Variants in DACH2 observed in about 807,000 individuals in gnomAD.
DACH2 encodes dachshund family transcription factor 2.
DACH2 carries 17 observed loss-of-function variants against 35.8 expected under a neutral mutation model. The observed-to-expected ratio is 0.48, with a 90% CI of 0.33 to 0.71. The LOEUF is 0.71. Among genes scored for constraint, DACH2 ranks in the 30% least tolerant of loss-of-function variants. DACH2 has a pLI of 0.02. For synonymous variants in DACH2, 195 were observed against 177.3 expected, an observed-to-expected ratio of 1.10 and a Z score of -0.79; for missense variants, 469 against 472.7, an observed-to-expected ratio of 0.99 and a Z score of 0.07.
chrX:86,712,868 A>G (rs1185004261), intron 5 of DACH2, among the ~76,000 whole-genome samples: 2 of 111,482 alleles, frequency 1.8e-5, no homozygotes, highest in African/African-American at 3.3e-5. Flanking sequence ...GGAGTCAGAT[A>G]GGGAGTACAG....
intron 3 of DACH2, among the ~76,000 whole-genome samples, chrX:86,601,759 G>A (rs1187239014): frequency 8.9e-6 from 1 of 112,174 alleles, no homozygotes; most frequent in African/African-American, 3.2e-5. Flanking sequence ...GTCTAGAGAG[G>A]TAAAGTAACT....
intron 1 of DACH2, among the ~76,000 whole-genome samples, chrX:86,311,358 C>T (rs1487169064): frequency 1.8e-5 from 2 of 111,929 alleles, no homozygotes; most frequent in Non-Finnish European, 3.8e-5. Context: ...ATTCACTGGT[C>T]TTACCATGTT....
intron 7 of DACH2, among the ~76,000 whole-genome samples, chrX:86,775,023 G>T (rs1170637486): frequency 9.0e-6 from 1 of 111,180 alleles, no homozygotes; most frequent in Non-Finnish European, 1.9e-5. Flanking sequence ...TTAAAGACAG[G>T]GCCCTCACTA....
At chrX:86,593,098 G>A (rs2039668041) in intron 3 of DACH2, among the ~76,000 whole-genome samples, 1 of 110,955 alleles carries the variant, frequency 9.0e-6, no homozygotes, top group Non-Finnish European at 1.9e-5. Flanking sequence ...CTTGACCTTA[G>A]CAGAGAAACA....
intron 3 of DACH2, among the ~76,000 whole-genome samples, chrX:86,609,676 C>T (rs1364161881): frequency 8.9e-6 from 1 of 111,743 alleles, no homozygotes; most frequent in Non-Finnish European, 1.9e-5. Flanking sequence ...TAATGGGAAC[C>T]TCAAGCCCAG....
intron 3 of DACH2, among the ~76,000 whole-genome samples, chrX:86,572,619 C>A (rs2039385778): frequency 9.0e-6 from 1 of 111,442 alleles, no homozygotes; most frequent in African/African-American, 3.3e-5. Context: ...TCCTGGAAAG[C>A]ATTTAGTATT....
intron 3 of DACH2, among the ~76,000 whole-genome samples, chrX:86,615,115 A>G (rs1457329914): frequency 9.0e-6 from 1 of 111,674 alleles, no homozygotes; most frequent in East Asian, 2.8e-4. Flanking sequence ...AGATCTTAAG[A>G]CAAATCAGAC....
intron 2 of DACH2, among the ~76,000 whole-genome samples, chrX:86,429,806 G>A (rs2036957070): frequency 9.0e-6 from 1 of 111,669 alleles, no homozygotes; most frequent in Non-Finnish European, 1.9e-5. Flanking sequence ...CAAGCAATCT[G>A]CCTGCCTCAG....
chrX:86,713,162 A>T (rs1366884722), intron 5 of DACH2, among the ~76,000 whole-genome samples: 3 of 111,625 alleles, frequency 2.7e-5, no homozygotes, highest in African/African-American at 9.7e-5. Flanking sequence ...CGGACCTCAA[A>T]TAAATTAACA....
intron 7 of DACH2, among the ~76,000 whole-genome samples, chrX:86,764,683 A>G (rs573706256): frequency 1.5e-4 from 17 of 111,516 alleles, no homozygotes; most frequent in African/African-American, 4.2e-4. Context: ...TAGTGCTGCA[A>G]TGAACAAATG....
chrX:86,255,289 G>T (rs1349074577), intron 1 of DACH2, among the ~76,000 whole-genome samples: 1 of 111,509 alleles, frequency 9.0e-6, no homozygotes, highest in African/African-American at 3.3e-5. Context: ...GCTCACTTTT[G>T]GCAATTTCTT....
chrX:86,302,259 A>G (rs912064265), intron 1 of DACH2, among the ~76,000 whole-genome samples: 3 of 111,413 alleles, frequency 2.7e-5, no homozygotes, highest in Admixed American at 9.6e-5. Context: ...CTTCCAGTTA[A>G]TATAACTAGG....
intron 2 of DACH2, among the ~76,000 whole-genome samples, chrX:86,409,465 C>T (rs1602488977): frequency 9.0e-6 from 1 of 111,108 alleles, no homozygotes. Context: ...TGGTTTAGCA[C>T]CATTCCTTGG....
chrX:86,592,245 G>T (rs753000744), intron 3 of DACH2, among the ~76,000 whole-genome samples: 1 of 111,493 alleles, frequency 9.0e-6, no homozygotes, highest in Non-Finnish European at 1.9e-5. Context: ...CTTTTTGCAT[G>T]TGGATATCCA....
chrX:86,300,562 G>A (rs1325225586), intron 1 of DACH2, among the ~76,000 whole-genome samples: 2 of 109,637 alleles, frequency 1.8e-5, no homozygotes, highest in East Asian at 2.9e-4. Context: ...GGGAGGGATA[G>A]CATTAGGAGA....
chrX:86,160,621 T>C (rs774321668), intron 1 of DACH2: 74 of 497,505 alleles, frequency 1.5e-4, no homozygotes, highest in South Asian at 6.8e-4. Flanking sequence ...CTTTCATTGG[T>C]GGGCCATTTT....
chrX:86,704,765 G>A (rs1177916869), intron 5 of DACH2, among the ~76,000 whole-genome samples: 1 of 110,781 alleles, frequency 9.0e-6, no homozygotes, highest in African/African-American at 3.3e-5. Context: ...TGGTGTGGAT[G>A]CAGTGAAAAG....
intron 11 of DACH2, among the ~76,000 whole-genome samples, chrX:86,820,592 TA>T (rs1272820581): frequency 9.1e-6 from 1 of 110,474 alleles, no homozygotes; most frequent in African/African-American, 3.3e-5. Flanking sequence ...ACTGAAGAAT[TA>T]AAAACAAAAA....
chrX:86,174,512 G>A (rs959935732), intron 1 of DACH2, among the ~76,000 whole-genome samples: 1 of 111,456 alleles, frequency 9.0e-6, no homozygotes, highest in Non-Finnish European at 1.9e-5. Flanking sequence ...CCATAGGACA[G>A]AGCCTTTTGC....
Sources: allele counts gnomAD v4.1 joint callset (sites outside exome capture counted in the v4.1 genomes callset), GRCh38; gene constraint gnomAD v4.1.1; transcripts MANE v1.5; gene names NCBI Gene and HGNC (gene_info 2026-07-23, HGNC 2026-07-21).